The following SH3TC2 variants were observed in gnomAD, a reference collection of about 807,000 sequenced individuals.
SH3TC2 encodes the protein SH3 domain and tetratricopeptide repeats 2.
In SH3TC2, 87 loss-of-function variants were observed where a neutral mutation model predicts 124.5. The ratio of observed to expected loss-of-function variants is 0.70; its 90% CI spans 0.59 to 0.84. The LOEUF is 0.84. Among genes scored for constraint, SH3TC2 ranks in the 40% least tolerant of loss-of-function variants. The probability of loss-of-function intolerance (pLI) is 0.00; values close to 1 mark genes in which losing one functional copy is unlikely to be tolerated. For synonymous variants in SH3TC2, 634 were observed against 628.5 expected (o/e 1.01, Z -0.13); for missense variants, 1,536 against 1,566.4 (o/e 0.98, Z 0.33).
At chr5:149,030,096 G>A (rs1490093140) in intron 9 of SH3TC2, among the ~76,000 whole-genome samples, 1 of 152,198 alleles carries the variant, frequency 6.6e-6, no homozygotes, top group Non-Finnish European at 1.5e-5. Flanking sequence ...TGGCTAAGGA[G>A]AGCTGTTCAA....
In SH3TC2 at chr5:148,984,512, T is replaced by C. The variant is rs572934095; in HGVS notation, c.*20199A>G. ...CTGGGCTCATGACTCATGAGGAAGG[T>C]ATGCAGGAAGAGGGAAAAGGTGAAA... On this transcript the variant is annotated 3_prime_UTR_variant, in exon 17 of 17. Transcript: ENST00000515425. 6.6e-6 allele frequency among the ~76,000 whole-genome samples: 1 copy of C among 152,234 alleles called. No individual in the cohort carries two copies. Among genetic ancestry groups the C allele is most frequent in the African/African-American group, 2.4e-5 (1 of 41,548 alleles).
chr5:148,987,550 A>G lies in SH3TC2; in HGVS notation c.*17161T>C, dbSNP rs1175217364. 3.3e-5 allele frequency among the ~76,000 whole-genome samples: 5 copies of G among 152,250 alleles called. No homozygotes were observed. Among genetic ancestry groups the G allele is most frequent in the Admixed American group, 6.5e-5 (1 of 15,292 alleles). On this transcript the variant is annotated 3_prime_UTR_variant, in exon 17 of 17. Coordinates refer to ENST00000515425, the MANE Select transcript of SH3TC2 (RefSeq NM_024577.4). ...ACATCTATAGTCTTGGGCATATTCC[A>G]TAAGACTTCCACATATTTGGCTGGG...
chr5:149,027,035 G>A lies in SH3TC2; in HGVS notation c.2697C>T (p.Leu899=), dbSNP rs71582325. The A allele has an allele frequency of 1.9e-6, 3 of 1,614,076 alleles. No homozygotes were observed. In the African/African-American group the frequency reaches 4.0e-5, roughly 22 times the overall value. The change falls in exon 11 of 17, where the codon CTC becomes CTT. Residue 899 remains leucine, a synonymous_variant. Transcript: ENST00000515425. ...CACAATAGAGTCGTACAGCCTGCAG[G>A]AGATAGTTTCTGGCTGGATGCTGAG... ...SWAQHPARNY[L]LQAVRLYCEL...
At chr5:149,015,720 C>T (rs938473771) in intron 12 of SH3TC2, among the ~76,000 whole-genome samples, 11 of 152,216 alleles carry the variant, frequency 7.2e-5, no homozygotes, top group African/African-American at 1.7e-4. Context: ...CCTCTTACCA[C>T]CCGCTGCTGG....
chr5:148,995,200 G>A lies in SH3TC2; in HGVS notation c.*9511C>T, dbSNP rs1490487762. Among the ~76,000 whole-genome samples the A allele has an allele frequency of 1.3e-5, 2 of 152,184 alleles. No homozygotes were observed. The highest frequency in any genetic ancestry group is 4.8e-5 in the African/African-American group (2 of 41,448). Reference sequence around the variant, plus strand: ...ATCTTGAAGATCCTAAGTTCTGAAAGAGAAAACGTGTATCAGAATTACATA... The same window carrying A: ...ATCTTGAAGATCCTAAGTTCTGAAAAAGAAAACGTGTATCAGAATTACATA... On this transcript the variant is annotated 3_prime_UTR_variant, in exon 17 of 17. Coordinates refer to ENST00000515425, the MANE Select transcript of SH3TC2 (RefSeq NM_024577.4).
rs2127387245 is a variant in SH3TC2, at chr5:148,986,767, C to A, written c.*17944G>T. Among the ~76,000 whole-genome samples, 1 of 152,242 alleles carries A rather than the reference C, an allele frequency of 6.6e-6. No homozygotes were observed. Among genetic ancestry groups the A allele is most frequent in the South Asian group, 2.1e-4 (1 of 4,820 alleles). On this transcript the variant is annotated 3_prime_UTR_variant, in exon 17 of 17. Transcript: ENST00000515425. ...TGCTCAGTCAACCAAATGTGACGAGCCTAAATCCCATTCCCATGCTGTAAT... is the reference window on the plus strand; with the variant it reads ...TGCTCAGTCAACCAAATGTGACGAGACTAAATCCCATTCCCATGCTGTAAT...
At position 149,028,148 on chromosome 5, in the gene SH3TC2, G is replaced by A. The variant is rs762967613; in HGVS notation, c.1584C>T (p.Ala528=). ...GCCGGCCCAGGAGGAAGCAGAGACG[G>A]GCATGGGCCCAGGTCATGTGGCTCT... is the stretch of plus-strand genomic sequence containing the variant. The part of the protein sequence containing the change: ...AKKSHMTWAH[A]RLCFLLGRLS... The change falls in exon 11 of 17, where the codon GCC becomes GCT. Residue 528 remains alanine (A), a synonymous_variant. Coordinates refer to ENST00000515425, the MANE Select transcript of SH3TC2 (RefSeq NM_024577.4). 5.6e-6 allele frequency: 9 copies of A among 1,613,968 alleles called. No individual in the cohort carries two copies. In the East Asian group the frequency reaches 1.3e-4, roughly 24 times the overall value.
chr5:149,025,371 C>T (rs537795049), intron 12 of SH3TC2, among the ~76,000 whole-genome samples: 4 of 152,166 alleles, frequency 2.6e-5, no homozygotes, highest in Non-Finnish European at 4.4e-5. Context: ...TATTCCTTAT[C>T]TGATTGTCCA....
In SH3TC2 at chr5:149,028,333, A is replaced by G; in HGVS notation, c.1399T>C (p.Phe467Leu). The G allele has an allele frequency of 6.2e-7, 1 of 1,614,126 alleles. No homozygotes were observed. Among genetic ancestry groups the G allele is most frequent in the South Asian group, 1.1e-5 (1 of 91,082 alleles). ...TCCAGAAAAGCCAATATGGGGGCGA[A>G]GTTCTCAGCCTCCTCCTCCTGACCA... ...STGQEEEAEN[F>L]APILAFLDHE... The change falls in exon 11 of 17, where the codon TTC (phenylalanine) becomes CTC (leucine). Residue 467 changes from phenylalanine (F) to leucine (L), a missense_variant. By Grantham distance (22) the Phe-to-Leu change is conservative. Coordinates refer to ENST00000515425, the MANE Select transcript of SH3TC2 (RefSeq NM_024577.4).
At chr5:149,011,654 A>G (rs552520441) in intron 13 of SH3TC2, among the ~76,000 whole-genome samples, 5 of 152,342 alleles carry the variant, frequency 3.3e-5, no homozygotes, top group African/African-American at 1.2e-4. Context: ...AGTGTTTGGC[A>G]AAGTCTCCTG....
Position 148,983,593 on chromosome 5 carries a change from C to A in SH3TC2, c.*21118G>T, listed in dbSNP as rs886060095. ...TTTCATCTTGCTGAAGTGCACATTC[C>A]CCTTCCAGTAACAGCAATCTAGCTT... On this transcript the variant is annotated 3_prime_UTR_variant, in exon 17 of 17. Transcript: ENST00000515425. 1.3e-5 allele frequency among the ~76,000 whole-genome samples: 2 copies of A among 152,132 alleles called. No individual in the cohort carries two copies. The highest frequency in any genetic ancestry group is 2.9e-5 in the Non-Finnish European group (2 of 68,024).
At chr5:149,048,836 C>T (rs1266327142) in intron 2 of SH3TC2, among the ~76,000 whole-genome samples, 2 of 152,250 alleles carry the variant, frequency 1.3e-5, no homozygotes, top group East Asian at 3.9e-4. Flanking sequence ...ATAGTGTTGT[C>T]GAGAAAGGCC....
intron 12 of SH3TC2, among the ~76,000 whole-genome samples, chr5:149,020,649 G>C (rs1475811636): frequency 6.6e-6 from 1 of 152,132 alleles, no homozygotes; most frequent in Non-Finnish European, 1.5e-5. Context: ...AGTAACCAAA[G>C]AGAGCTAGAG....
In SH3TC2 at chr5:149,000,366, T is replaced by C. The variant is rs1753577851; in HGVS notation, c.*4345A>G. Among the ~76,000 whole-genome samples, 1 of 152,208 alleles carries C rather than the reference T, an allele frequency of 6.6e-6. No homozygotes were observed. Among genetic ancestry groups the C allele is most frequent in the Non-Finnish European group, 1.5e-5 (1 of 68,032 alleles). On this transcript the variant is annotated 3_prime_UTR_variant, in exon 17 of 17. Coordinates refer to ENST00000515425, the MANE Select transcript of SH3TC2 (RefSeq NM_024577.4). ...TCTGTCATCTACACTCTCTGCCACT[T>C]ATTAATCTCTCTGTTTTCAAACAAT...
Position 148,997,942 on chromosome 5 carries a change from T to C in SH3TC2, c.*6769A>G, listed in dbSNP as rs2127389649. On this transcript the variant is annotated 3_prime_UTR_variant, in exon 17 of 17. Transcript: ENST00000515425. ...TTTATTTTGAGATGTACACACTCTC[T>C]GGTCTCAAAAAGAAGTAAGATATCC... Among the ~76,000 whole-genome samples, 1 of 152,336 alleles carries C rather than the reference T, an allele frequency of 6.6e-6. No individual in the cohort carries two copies. Among genetic ancestry groups the C allele is most frequent in the East Asian group, 1.9e-4 (1 of 5,182 alleles).
In SH3TC2 at chr5:149,027,921, T is replaced by TCAGG; in HGVS notation, c.1807_1810dup (p.Asp604AlafsTer2). ...TTCATGCTTGGCACTAGACTCACGG[T>TCAGG]CAGGCAGGCAGGCCAGCAGGGCACC... On this transcript the variant is annotated stop_gained and frameshift_variant, in exon 11 of 17. Transcript: ENST00000515425. LOFTEE classifies it high-confidence loss of function. 1.2e-6 allele frequency: 2 copies of TCAGG among 1,614,068 alleles called. No homozygotes were observed. The highest frequency in any genetic ancestry group is 1.7e-6 in the Non-Finnish European group (2 of 1,180,038).
At chr5:149,054,638 C>T (rs954333902) in intron 1 of SH3TC2, among the ~76,000 whole-genome samples, 1 of 152,140 alleles carries the variant, frequency 6.6e-6, no homozygotes, top group African/African-American at 2.4e-5. Context: ...TTCACATAAC[C>T]CAGATGCTTG....
At chr5:149,032,317 C>G (rs567498157) in intron 8 of SH3TC2, among the ~76,000 whole-genome samples, 19 of 152,272 alleles carry the variant, frequency 1.2e-4, no homozygotes, top group Admixed American at 4.6e-4. Context: ...TCATTATAAG[C>G]AATAAAGATC....
chr5:149,021,788 C>T (rs190400452), intron 12 of SH3TC2, among the ~76,000 whole-genome samples: 1 of 149,384 alleles, frequency 6.7e-6, no homozygotes, highest in African/African-American at 2.4e-5. Context: ...AACAAAAAAA[C>T]TCCTTACAAA....
Sources: allele counts gnomAD v4.1 joint callset (sites outside exome capture counted in the v4.1 genomes callset), GRCh38; gene constraint gnomAD v4.1.1; transcripts MANE v1.5; gene names NCBI Gene and HGNC (gene_info 2026-07-23, HGNC 2026-07-21).